Variants in TMEM132D observed in about 807,000 individuals in gnomAD.
TMEM132D encodes transmembrane protein 132D.
In TMEM132D, 21 loss-of-function variants were observed where a neutral mutation model predicts 62.3. That is an observed-to-expected ratio of 0.34 (90% CI 0.24 to 0.49). The LOEUF (loss-of-function observed/expected upper bound fraction) is 0.49. Ranked by LOEUF, TMEM132D falls within the 20% of genes least tolerant of loss-of-function variation. The pLI is 0.99. For missense variants in TMEM132D, 1,346 were observed against 1,402.8 expected (o/e 0.96, Z 0.65); for synonymous variants, 621 against 575.6 (o/e 1.08, Z -1.13).
intron 1 of TMEM132D, among the ~76,000 whole-genome samples, chr12:129,823,572 T>C (rs1189060134): frequency 6.6e-6 from 1 of 152,222 alleles, no homozygotes; most frequent in Non-Finnish European, 1.5e-5. Context: ...TTATGCACAT[T>C]GGCCTTTCAG....
At chr12:129,181,610 T>C (rs1385748512) in intron 5 of TMEM132D, among the ~76,000 whole-genome samples, 1 of 152,144 alleles carries the variant, frequency 6.6e-6, no homozygotes, top group African/African-American at 2.4e-5. Context: ...CTCTCCCACC[T>C]CATCTCCTTT....
chr12:129,443,576 C>A (rs758869387), intron 3 of TMEM132D, among the ~76,000 whole-genome samples: 9 of 152,140 alleles, frequency 5.9e-5, no homozygotes, highest in Non-Finnish European at 1.0e-4. Context: ...GGCTCTCCCC[C>A]TTCTCCCTTC....
At chr12:129,375,410 T>C (rs1470579307) in intron 3 of TMEM132D, among the ~76,000 whole-genome samples, 1 of 152,194 alleles carries the variant, frequency 6.6e-6, no homozygotes, top group Non-Finnish European at 1.5e-5. Context: ...ATCTGTGTCA[T>C]AAGGTGATAC....
intron 3 of TMEM132D, 97 bp downstream of exon 3, chr12:129,530,962 A>G: frequency 2.3e-6 from 3 of 1,318,072 alleles, no homozygotes; most frequent in Admixed American, 2.2e-5. Context: ...AATGCAAACC[A>G]CAGTGGAAAT....
At chr12:129,586,852 A>G (rs1878043633) in intron 2 of TMEM132D, among the ~76,000 whole-genome samples, 1 of 152,176 alleles carries the variant, frequency 6.6e-6, no homozygotes, top group Admixed American at 6.5e-5. Flanking sequence ...ATCAATAGGG[A>G]AAGGATAGAA....
At chr12:129,773,680 G>A (rs1332356440) in intron 1 of TMEM132D, among the ~76,000 whole-genome samples, 1 of 152,122 alleles carries the variant, frequency 6.6e-6, no homozygotes, top group Non-Finnish European at 1.5e-5. Context: ...AGGCAGCATA[G>A]GAGCACCCTA....
chr12:129,807,631 GTTGA>G (rs1872035631), intron 1 of TMEM132D, among the ~76,000 whole-genome samples: 1 of 152,144 alleles, frequency 6.6e-6, no homozygotes, highest in Non-Finnish European at 1.5e-5. Flanking sequence ...GAGACGATGC[GTTGA>G]TTGTTAACAT....
intron 2 of TMEM132D, among the ~76,000 whole-genome samples, chr12:129,641,543 T>G (rs1879640524): frequency 6.6e-6 from 1 of 152,176 alleles, no homozygotes; most frequent in Non-Finnish European, 1.5e-5. Flanking sequence ...CCAAAACTAG[T>G]CCAGGTCATC....
chr12:129,899,304 C>A lies in TMEM132D; in HGVS notation c.79+3957G>T, dbSNP rs11613692. ...GCATGGATGGATGGATGGATGCATG[C>A]ATGGATGGATGGATGGATGGATGGA... is the stretch of plus-strand genomic sequence containing the variant. On this transcript the variant is annotated intron_variant, in intron 1 of 8. Transcript: ENST00000422113. 4.8e-5 allele frequency among the ~76,000 whole-genome samples: 6 copies of A among 125,282 alleles called. 1 individual carries two copies. Among genetic ancestry groups the A allele is most frequent in the African/African-American group, 2.1e-4 (6 of 28,904 alleles). 82.2% of individuals were successfully genotyped at this position (125,282 alleles called of 152,430 possible).
At chr12:129,135,563 T>C (rs1876533770) in intron 5 of TMEM132D, among the ~76,000 whole-genome samples, 1 of 152,242 alleles carries the variant, frequency 6.6e-6, no homozygotes, top group South Asian at 2.1e-4. Context: ...TTGCTCAGCG[T>C]GACAGCTTTA....
chr12:129,712,582 C>G (rs565033621), intron 1 of TMEM132D, among the ~76,000 whole-genome samples: 2 of 152,184 alleles, frequency 1.3e-5, no homozygotes, highest in Admixed American at 6.5e-5. Context: ...AACGGGGCCA[C>G]GCACCACCAG....
chr12:129,314,834 G>A (rs1393344708), intron 4 of TMEM132D, among the ~76,000 whole-genome samples: 4 of 151,612 alleles, frequency 2.6e-5, no homozygotes, highest in African/African-American at 9.7e-5. Context: ...GAGGTCTTTC[G>A]ACTTCTTGGT....
At chr12:129,744,610 C>A (rs550781240) in intron 1 of TMEM132D, among the ~76,000 whole-genome samples, 5 of 152,248 alleles carry the variant, frequency 3.3e-5, no homozygotes, top group Admixed American at 3.3e-4. Flanking sequence ...GCTGCTTAGG[C>A]CTCTAAATTT....
In TMEM132D at chr12:129,448,598, A is replaced by G. The variant is rs573602276; in HGVS notation, c.1115+82461T>C. 1.4e-4 allele frequency among the ~76,000 whole-genome samples: 21 copies of G among 152,334 alleles called. No individual in the cohort carries two copies. In the South Asian group the frequency reaches 3.7e-3, roughly 27 times the overall value. ...CTGCATGGTATTTTATCGCATATAC[A>G]TGCCACATTTTCTTTATCCAGTCGG... is the stretch of plus-strand genomic sequence containing the variant. On this transcript the variant is annotated intron_variant, in intron 3 of 8. Transcript: ENST00000422113.
chr12:129,086,255 T>C (rs1199266917), intron 5 of TMEM132D, among the ~76,000 whole-genome samples: 1 of 151,980 alleles, frequency 6.6e-6, no homozygotes. Context: ...TTTCTTAAAA[T>C]TCGTATATAT....
chr12:129,418,381 T>TA (rs1287200494), intron 3 of TMEM132D, among the ~76,000 whole-genome samples: 6 of 152,034 alleles, frequency 3.9e-5, no homozygotes, highest in African/African-American at 1.4e-4. Flanking sequence ...TATGCAGCCA[T>TA]AAAAAAGGAT....
intron 5 of TMEM132D, among the ~76,000 whole-genome samples, chr12:129,140,478 C>A (rs1049169587): frequency 6.6e-6 from 1 of 152,134 alleles, no homozygotes; most frequent in Admixed American, 6.6e-5. Flanking sequence ...TCTTTTCTAG[C>A]ATTTCATATA....
intron 3 of TMEM132D, among the ~76,000 whole-genome samples, chr12:129,379,918 C>T (rs116184569): frequency 0.01 from 1,577 of 152,186 alleles, 33 homozygotes; most frequent in African/African-American, 0.035. Flanking sequence ...TTATACTCAA[C>T]GTGGAGAGGT....
At chr12:129,472,100 A>G (rs1383875175) in intron 3 of TMEM132D, among the ~76,000 whole-genome samples, 1 of 152,262 alleles carries the variant, frequency 6.6e-6, no homozygotes, top group African/African-American at 2.4e-5. Context: ...GAAGATGGCT[A>G]AACTGAACTA....
Sources: allele counts gnomAD v4.1 joint callset (sites outside exome capture counted in the v4.1 genomes callset), GRCh38; gene constraint gnomAD v4.1.1; transcripts MANE v1.5; gene names NCBI Gene and HGNC (gene_info 2026-07-23, HGNC 2026-07-21).